Variants in OPN4 observed in about 807,000 individuals in gnomAD.
OPN4 encodes opsin 4, also known as melanopsin.
In OPN4, 43 loss-of-function variants were observed where a neutral mutation model predicts 49.5. The observed-to-expected ratio is 0.87, with a 90% confidence interval of 0.68 to 1.12. The LOEUF (loss-of-function observed/expected upper bound fraction) is 1.12. Ranked by LOEUF, OPN4 falls within the 50% of genes most tolerant of loss-of-function variation. The pLI is 0.00. For synonymous variants in OPN4, 263 were observed against 258.0 expected (o/e 1.02, Z -0.19); for missense variants, 657 against 643.9 (o/e 1.02, Z -0.22).
At position 86,662,334 on chromosome 10, in the gene OPN4, C is replaced by T. The variant is rs1329040505; in HGVS notation, c.1156C>T (p.Arg386Cys). 9 of 1,602,170 alleles carry T rather than the reference C, an allele frequency of 5.6e-6. No homozygotes were observed. The highest frequency in any genetic ancestry group is 1.1e-5 in the South Asian group (1 of 88,726). Residue 386 changes from arginine (R) to cysteine (C), a missense_variant, in exon 8 of 10, where the codon CGC (arginine) becomes TGC (cysteine). Physicochemically the swap from Arg to Cys is radical, Grantham distance 180 (BLOSUM62 -3). Transcript: ENST00000241891. ...RRHSRPYPSYRSTHRSTLTSH... is the reference protein window; with the variant it reads ...RRHSRPYPSYCSTHRSTLTSH... ...GCACAGTCGCCCCTACCCCAGCTAC[C>T]GCTCCACCCACCGCTCCACGCTGAC...
rs1194140416 is a variant in OPN4 at position 86,663,558 on chromosome 10, A to G, written c.1255-101A>G. 2.6e-6 allele frequency: 3 copies of G among 1,148,258 alleles called. No homozygotes were observed. In the East Asian group the frequency reaches 8.5e-5, roughly 33 times the overall value. 71.1% of individuals were successfully genotyped at this position (1,148,258 alleles called of 1,614,324 possible). On this transcript the variant is annotated intron_variant, in intron 8 of 9. Transcript: ENST00000241891. ...TGGTGTCAGGGGCCTCCCGCAATGA[A>G]TACCTGTTGGGAGGATGAAGGAGGG...
At position 86,654,841 on chromosome 10, in the gene OPN4, A is replaced by G; in HGVS notation, c.58A>G (p.Met20Val). 4 of 1,528,338 alleles carry G rather than the reference A, an allele frequency of 2.6e-6. No individual in the cohort carries two copies. The highest frequency in any genetic ancestry group is 3.6e-6 in the Non-Finnish European group (4 of 1,123,510). 94.7% of individuals were successfully genotyped at this position (1,528,338 alleles called of 1,614,324 possible). A position where few individuals can be genotyped will look rare whatever the true frequency, so the allele number is the denominator to read the frequency against. ...CAGCCCAACCCAAGAGCCCAGCTGC[A>G]TGGCCACCCCAGCACCACCCAGCTG... The part of the protein sequence containing the change: ...PPSPTQEPSC[M>V]ATPAPPSWWD... Residue 20 changes from methionine (M) to valine (V), a missense_variant, in exon 1 of 10, where the codon ATG becomes GTG. Physicochemically the swap from Met to Val is conservative, Grantham distance 21 (BLOSUM62 1). Transcript: ENST00000241891.
intron 2 of OPN4, among the ~76,000 whole-genome samples, chr10:86,657,761 G>A (rs2736692): frequency 0.097 from 14,828 of 152,228 alleles, 961 homozygotes; most frequent in Middle Eastern, 0.14. Context: ...AGGTTTTGGA[G>A]AGAAACTGCC....
rs915086621 is a variant in OPN4 at position 86,659,469 on chromosome 10, G to T, written c.800+1G>T. 1.2e-6 allele frequency: 2 copies of T among 1,613,478 alleles called. No homozygotes were observed. The highest frequency in any genetic ancestry group is 4.5e-5 in the East Asian group (2 of 44,882). On this transcript the variant is annotated splice_donor_variant, in intron 5 of 9. Coordinates refer to ENST00000241891, the MANE Select transcript of OPN4 (RefSeq NM_033282.4). LOFTEE classifies it high-confidence loss of function. ...TCAGGGCCATCCGGGAGACAGGACG[G>T]TAAGAGCCGAGCATGGAGGGGGGCT...
At chr10:86,663,123 C>A (rs1844055618) in intron 8 of OPN4, among the ~76,000 whole-genome samples, 1 of 152,158 alleles carries the variant, frequency 6.6e-6, no homozygotes, top group Non-Finnish European at 1.5e-5. Context: ...TAGATGTCCC[C>A]AGGAAAGCTC....
Position 86,658,213 on chromosome 10 carries a change from C to T in OPN4, c.424+48C>T, listed in dbSNP as rs531422620. On this transcript the variant is annotated intron_variant, in intron 3 of 9. Coordinates refer to ENST00000241891, the MANE Select transcript of OPN4 (RefSeq NM_033282.4). ...GCTGGAGGGAGGAGGAGGGTTTTGA[C>T]CTGGGGATGCCCTCAATGGAGGGTG... The T allele has an allele frequency of 6.9e-6, 11 of 1,603,152 alleles. No individual in the cohort carries two copies. In the South Asian group the frequency reaches 1.2e-4, roughly 18 times the overall value.
chr10:86,655,020 A>G, intron 1 of OPN4, 93 bp downstream of exon 1: 1 of 1,354,172 alleles, frequency 7.4e-7, no homozygotes, highest in Non-Finnish European at 1.0e-6. Context: ...ACAGGGAGAT[A>G]GAAAAGGTCT....
chr10:86,658,940 A>G (rs991319361), intron 4 of OPN4, among the ~76,000 whole-genome samples: 1 of 152,216 alleles, frequency 6.6e-6, no homozygotes, highest in Non-Finnish European at 1.5e-5. Context: ...GCAAAGTGAC[A>G]GGTACTTCTG....
chr10:86,658,289 T>C, intron 3 of OPN4, 124 bp downstream of exon 3: 3 of 1,353,382 alleles, frequency 2.2e-6, no homozygotes, highest in Non-Finnish European at 3.1e-6. Flanking sequence ...GTAGCTGCCC[T>C]CAGTCCTGTG....
intron 8 of OPN4, 63 bp downstream of exon 8, chr10:86,662,495 C>T (rs1844037649): frequency 8.9e-6 from 13 of 1,468,106 alleles, no homozygotes; most frequent in East Asian, 2.5e-5. Flanking sequence ...AGCCCTGGGG[C>T]TCTGGGGAAT....
Position 86,665,800 on chromosome 10 carries a change from C to A in OPN4, c.*49C>A, listed in dbSNP as rs371009506. On this transcript the variant is annotated 3_prime_UTR_variant, in exon 10 of 10. Coordinates refer to ENST00000241891, the MANE Select transcript of OPN4 (RefSeq NM_033282.4). The stretch of plus-strand genomic sequence containing the variant: ...TTCTGAGACACATCCAGCCCCCCCA[C>A]GTCTCCCTCATATACACAGACCCAG... The A allele has an allele frequency of 1.5e-5, 21 of 1,432,406 alleles. No individual in the cohort carries two copies. The highest frequency in any genetic ancestry group is 2.0e-5 in the Non-Finnish European group (20 of 1,017,842). 88.7% of individuals were successfully genotyped at this position (1,432,406 alleles called of 1,614,324 possible). A position where few individuals can be genotyped will look rare whatever the true frequency, so the allele number is the denominator to read the frequency against.
In OPN4 at chr10:86,663,758, G is replaced by T. The variant is rs1373102569; in HGVS notation, c.1354G>T (p.Ala452Ser). The change falls in exon 9 of 10, where the codon GCA (alanine) becomes TCA (serine). Residue 452 changes from alanine (A) to serine (S), a missense_variant. Physicochemically the swap from Ala to Ser is moderately conservative, Grantham distance 99 (BLOSUM62 1). Coordinates refer to ENST00000241891, the MANE Select transcript of OPN4 (RefSeq NM_033282.4). Reference protein sequence around the residue: ...GQGLEDLEAKAPPRPQGHEAE... With the variant: ...GQGLEDLEAKSPPRPQGHEAE... ...GGGTCTGGAGGACTTGGAAGCCAAG[G>T]CACCCCCCAGACCCCAGGGACACGA... 1 of 1,563,868 alleles carries T rather than the reference G, an allele frequency of 6.4e-7. No individual in the cohort carries two copies. The highest frequency in any genetic ancestry group is 1.4e-5 in the African/African-American group (1 of 73,502).
rs1843830152 is a variant in OPN4, at chr10:86,654,899, TG to T, written c.119del (p.Gly40AlafsTer37). 2 of 1,578,348 alleles carry T rather than the reference TG, an allele frequency of 1.3e-6. No homozygotes were observed. The highest frequency in any genetic ancestry group is 1.7e-5 in the Admixed American group (1 of 58,804). On this transcript the variant is annotated frameshift_variant, in exon 1 of 10. Transcript: ENST00000241891. LOFTEE classifies it high-confidence loss of function. ...WDSSQSSISS[L>X]GRLPSISPTA... Reference sequence around the variant, plus strand: ...AGCTCCCAGAGCAGCATCTCCAGCCTGGGCCGGCTTCCATCCATCAGTCCCA... The same window carrying T: ...AGCTCCCAGAGCAGCATCTCCAGCCTGGCCGGCTTCCATCCATCAGTCCCA...
At chr10:86,658,377 T>C in intron 3 of OPN4, 107 bp from the exon 4 acceptor site, 2 of 1,288,904 alleles carry the variant, frequency 1.6e-6, no homozygotes, top group Non-Finnish European at 2.1e-6. Flanking sequence ...GTGGAGGGGG[T>C]GGAGTGCGCT....
At chr10:86,657,102 G>A in intron 2 of OPN4, 1 of 748,180 alleles carries the variant, frequency 1.3e-6, no homozygotes, top group Non-Finnish European at 2.5e-6. Context: ...CAGGCTGCAG[G>A]GCCACACAGC....
Position 86,662,260 on chromosome 10 carries a change from T to A in OPN4, c.1082T>A (p.Ile361Asn). The A allele has an allele frequency of 6.2e-7, 1 of 1,609,438 alleles. No homozygotes were observed. The highest frequency in any genetic ancestry group is 8.5e-7 in the Non-Finnish European group (1 of 1,179,428). Reference sequence around the variant, plus strand: ...ATGTGCGGCCCCTGCAGGGTGGCCATTGCCCAGCACCTGCCCTGCCTGGGG... The same window carrying A: ...ATGTGCGGCCCCTGCAGGGTGGCCAATGCCCAGCACCTGCCCTGCCTGGGG... Reference protein sequence around the residue: ...AITHPKYRVAIAQHLPCLGVL... With the variant: ...AITHPKYRVANAQHLPCLGVL... The change falls in exon 8 of 10, where the codon ATT becomes AAT. Residue 361 changes from isoleucine to asparagine, a missense_variant. Ile to Asn is a moderately radical substitution (Grantham distance 149). Coordinates refer to ENST00000241891, the MANE Select transcript of OPN4 (RefSeq NM_033282.4).
At chr10:86,664,539 T>A (rs1844099190) in intron 9 of OPN4, among the ~76,000 whole-genome samples, 1 of 152,184 alleles carries the variant, frequency 6.6e-6, no homozygotes, top group Non-Finnish European at 1.5e-5. Context: ...TCGCCCCAGC[T>A]GACAGCTCCC....
In OPN4 at chr10:86,656,193, C is replaced by T. The variant is rs755874402; in HGVS notation, c.183C>T (p.Pro61=). The T allele has an allele frequency of 6.2e-7, 1 of 1,614,076 alleles. No individual in the cohort carries two copies. The highest frequency in any genetic ancestry group is 2.2e-5 in the East Asian group (1 of 44,890). The change falls in exon 2 of 10, where the codon CCC becomes CCT. Residue 61 remains proline, a synonymous_variant. Transcript: ENST00000241891. ...GTWAAAWVPL[P]TVDVPDHAHY... is the part of the protein sequence containing the mutation. ...GGGCTGCTGCCTGGGTCCCCCTCCC[C>T]ACGGTTGATGTTCCAGACCATGCCC...
intron 8 of OPN4, 21 bp from the exon 9 acceptor site, chr10:86,663,638 T>G: frequency 6.8e-7 from 1 of 1,473,004 alleles, no homozygotes; most frequent in Non-Finnish European, 9.0e-7. Context: ...CACCTCACAG[T>G]CACTCTCTCA....
Sources: gnomAD v4.1 joint callset for allele counts (sites outside exome capture counted in the v4.1 genomes callset) on GRCh38, gnomAD v4.1.1 for gene constraint, MANE v1.5 for transcripts, NCBI Gene and HGNC (gene_info 2026-07-23, HGNC 2026-07-21) for gene names.